Variants in SNW1 observed in about 807,000 individuals in gnomAD.
SNW1 encodes SNW domain-containing protein 1.
SNW1 carries 9 observed loss-of-function variants against 75.6 expected under a neutral mutation model. The ratio of observed to expected loss-of-function variants is 0.12; its 90% confidence interval spans 0.07 to 0.21. The LOEUF is 0.21. Ranked by LOEUF, SNW1 falls within the 10% of genes least tolerant of loss-of-function variation. The pLI is 1.00. For synonymous variants in SNW1, 200 were observed against 219.1 expected, an observed-to-expected ratio of 0.91 and a Z score of 0.77; for missense variants, 409 against 670.9, an observed-to-expected ratio of 0.61 and a Z score of 4.31.
chr14:77,717,718 T>C lies in SNW1; in HGVS notation c.*370A>G. The stretch of plus-strand genomic sequence containing the variant: ...AATTTATTTGGCAGGACAGTTCCAG[T>C]ATGTGAACATCTTCCTCCTCACTGT... On this transcript the variant is annotated 3_prime_UTR_variant, in exon 14 of 14. Coordinates refer to ENST00000261531, the MANE Select transcript of SNW1 (RefSeq NM_012245.3). 1 of 653,634 alleles carries C rather than the reference T, an allele frequency of 1.5e-6. No individual in the cohort carries two copies. The highest frequency in any genetic ancestry group is 1.8e-5 in the African/African-American group (1 of 54,988). 40.5% of individuals were successfully genotyped at this position (653,634 alleles called of 1,614,324 possible). A position where few individuals can be genotyped will look rare whatever the true frequency, so the allele number is the denominator to read the frequency against.
At chr14:77,748,532 A>G (rs2032781) in intron 3 of SNW1, among the ~76,000 whole-genome samples, 127,660 of 152,054 alleles carry the variant, frequency 0.84, 53,674 homozygotes, top group African/African-American at 0.87. Flanking sequence ...GGGCAGGACT[A>G]TATATACTTG....
At chr14:77,758,413 T>A (rs1055434475) in intron 1 of SNW1, among the ~76,000 whole-genome samples, 6 of 152,086 alleles carry the variant, frequency 3.9e-5, no homozygotes, top group Non-Finnish European at 8.8e-5. Flanking sequence ...TGCTCCTTGC[T>A]GGGCAGGGCT....
intron 3 of SNW1, among the ~76,000 whole-genome samples, chr14:77,739,508 A>G (rs996788449): frequency 6.6e-6 from 1 of 152,168 alleles, no homozygotes; most frequent in Non-Finnish European, 1.5e-5. Context: ...CATCCTATTT[A>G]TAACGCTTCT....
At chr14:77,723,094 G>A (rs570422374) in intron 11 of SNW1, 87 bp downstream of exon 11, 26 of 963,778 alleles carry the variant, frequency 2.7e-5, no homozygotes, top group South Asian at 7.7e-5. Context: ...TGATCCGCCC[G>A]CATTGGCCTC....
chr14:77,736,938 G>A lies in SNW1; in HGVS notation c.638+33C>T, dbSNP rs377761415. ...TGTTTTGAGATTCATCCATGTTATT[G>A]TGTGTATTAGTAGCCTATTCCTTTT... On this transcript the variant is annotated intron_variant, in intron 6 of 13. Coordinates refer to ENST00000261531, the MANE Select transcript of SNW1 (RefSeq NM_012245.3). 1.2e-5 allele frequency: 17 copies of A among 1,406,546 alleles called. No individual in the cohort carries two copies. In the African/African-American group the frequency reaches 1.8e-4, roughly 15 times the overall value. 87.1% of individuals were successfully genotyped at this position (1,406,546 alleles called of 1,614,324 possible).
chr14:77,757,076 T>C (rs2139936213), intron 1 of SNW1, among the ~76,000 whole-genome samples: 1 of 152,310 alleles, frequency 6.6e-6, no homozygotes, highest in Non-Finnish European at 1.5e-5. Flanking sequence ...GAAAATAACC[T>C]TAGTTCCTTT....
intron 3 of SNW1, among the ~76,000 whole-genome samples, chr14:77,748,235 A>C (rs969001078): frequency 6.6e-6 from 1 of 151,836 alleles, no homozygotes; most frequent in African/African-American, 2.4e-5. Flanking sequence ...AGTCATCACC[A>C]CTCCCTAATC....
chr14:77,730,208 G>A (rs890835171), intron 10 of SNW1, among the ~76,000 whole-genome samples: 2 of 152,046 alleles, frequency 1.3e-5, no homozygotes, highest in African/African-American at 4.8e-5. Flanking sequence ...TCACCTTCTG[G>A]CAATTTTATA....
intron 8 of SNW1, chr14:77,734,084 C>T (rs1037647219): frequency 2.4e-5 from 5 of 210,298 alleles, no homozygotes; most frequent in South Asian, 6.0e-5. Context: ...CTGAAATGGT[C>T]TTCTTTATCC....
At chr14:77,759,996 G>A (rs61990686) in intron 1 of SNW1, among the ~76,000 whole-genome samples, 15 of 151,846 alleles carry the variant, frequency 9.9e-5, no homozygotes, top group African/African-American at 3.6e-4. Flanking sequence ...TTAGAAACGA[G>A]GGTGGGGAGA....
intron 10 of SNW1, 158 bp downstream of exon 10, chr14:77,730,830 A>C: frequency 1.4e-6 from 1 of 725,698 alleles, no homozygotes; most frequent in Non-Finnish European, 2.2e-6. Context: ...GCTTCAGCTT[A>C]CTAAGGCAGA....
chr14:77,760,900 G>A (rs2080884981), intron 1 of SNW1: 1 of 1,059,896 alleles, frequency 9.4e-7, no homozygotes, highest in Non-Finnish European at 1.4e-6. Flanking sequence ...CGGCCTCGGT[G>A]AGCGGGTGAA....
chr14:77,730,965 A>G (rs1309814997), intron 10 of SNW1, 23 bp downstream of exon 10: 10 of 1,604,216 alleles, frequency 6.2e-6, no homozygotes, highest in Admixed American at 1.7e-5. Context: ...GCAAAATTCA[A>G]TTCAGTAATG....
chr14:77,745,992 C>G (rs2080758030), intron 3 of SNW1, among the ~76,000 whole-genome samples: 1 of 152,186 alleles, frequency 6.6e-6, no homozygotes, highest in Non-Finnish European at 1.5e-5. Flanking sequence ...CCACTGCACT[C>G]CAGCCTGGGT....
chr14:77,739,507 T>C (rs1446398810), intron 3 of SNW1, among the ~76,000 whole-genome samples: 15 of 152,098 alleles, frequency 9.9e-5, no homozygotes, highest in Admixed American at 9.8e-4. Context: ...TCATCCTATT[T>C]ATAACGCTTC....
intron 10 of SNW1, among the ~76,000 whole-genome samples, chr14:77,725,924 C>A (rs949014308): frequency 1.3e-5 from 2 of 152,096 alleles, no homozygotes; most frequent in Non-Finnish European, 2.9e-5. Context: ...TCCAAACAAT[C>A]AAAAATTCCA....
intron 2 of SNW1, among the ~76,000 whole-genome samples, chr14:77,753,940 G>A (rs923439679): frequency 4.6e-5 from 7 of 151,708 alleles, no homozygotes; most frequent in South Asian, 4.2e-4. Flanking sequence ...GAAACGGAGC[G>A]AGATTCCATC....
Position 77,717,988 on chromosome 14 carries a change from G to C in SNW1, c.*100C>G, listed in dbSNP as rs541466222. ...AAGTAGTGCTGGGATCTGGCACCCA[G>C]ATTTGGTTTTTATCCTGACCATTTA... On this transcript the variant is annotated 3_prime_UTR_variant, in exon 14 of 14. Transcript: ENST00000261531. The C allele has an allele frequency of 2.8e-6, 3 of 1,076,794 alleles. No homozygotes were observed. In the African/African-American group the frequency reaches 4.7e-5, roughly 17 times the overall value. 66.7% of individuals were successfully genotyped at this position (1,076,794 alleles called of 1,614,324 possible). A position where few individuals can be genotyped will look rare whatever the true frequency, so the allele number is the denominator to read the frequency against.
chr14:77,753,814 G>A (rs1458400170), intron 2 of SNW1, among the ~76,000 whole-genome samples: 1 of 151,648 alleles, frequency 6.6e-6, no homozygotes, highest in Non-Finnish European at 1.5e-5. Flanking sequence ...TTAGCTGGAT[G>A]TGGTGGCACG....
Sources: allele counts gnomAD v4.1 joint callset (sites outside exome capture counted in the v4.1 genomes callset), GRCh38; gene constraint gnomAD v4.1.1; transcripts MANE v1.5; gene names NCBI Gene and HGNC (gene_info 2026-07-23, HGNC 2026-07-21).